Variants in ITFG1 observed in about 807,000 individuals in gnomAD.
ITFG1 encodes T-cell immunomodulatory protein.
Under a neutral mutation model 81.8 loss-of-function variants are expected in ITFG1, and 34 were observed. That is an observed-to-expected ratio of 0.42 (90% CI 0.32 to 0.55). ITFG1 has a LOEUF of 0.55. ITFG1 is among the 20% of genes least tolerant of loss of function. The probability of loss-of-function intolerance (pLI) is 0.17; values close to 1 mark genes in which losing one functional copy is unlikely to be tolerated. For missense variants in ITFG1, 672 were observed against 755.4 expected, an observed-to-expected ratio of 0.89 and a Z score of 1.29; for synonymous variants, 285 against 270.6, an observed-to-expected ratio of 1.05 and a Z score of -0.52.
intron 8 of ITFG1, among the ~76,000 whole-genome samples, chr16:47,333,150 ATCTAC>A (rs1376590952): frequency 8.5e-5 from 13 of 152,144 alleles, no homozygotes; most frequent in African/African-American, 3.1e-4. Context: ...ATTCCTGAAT[ATCTAC>A]TAAGTCCTAG....
At chr16:47,326,694 A>C (rs1967550059) in intron 8 of ITFG1, among the ~76,000 whole-genome samples, 1 of 152,220 alleles carries the variant, frequency 6.6e-6, no homozygotes. Context: ...ACAAACAGAG[A>C]GTCAAATCAT....
chr16:47,225,969 C>T (rs1298293548), intron 13 of ITFG1, among the ~76,000 whole-genome samples: 3 of 151,728 alleles, frequency 2.0e-5, no homozygotes, highest in Admixed American at 1.3e-4. Context: ...TTTTCTCTTA[C>T]CTGATATAAA....
At chr16:47,428,669 C>A in intron 6 of ITFG1, 135 bp downstream of exon 6, 1 of 654,284 alleles carries the variant, frequency 1.5e-6, no homozygotes, top group South Asian at 1.8e-5. Context: ...GTTTCCAAAT[C>A]ACTGACTTTC....
At chr16:47,434,139 A>G (rs1969132837) in intron 5 of ITFG1, among the ~76,000 whole-genome samples, 1 of 151,680 alleles carries the variant, frequency 6.6e-6, no homozygotes, top group Non-Finnish European at 1.5e-5. Flanking sequence ...CACTCAGGAC[A>G]CAGGCATAGG....
chr16:47,240,129 GAAA>G (rs569857397), intron 12 of ITFG1, among the ~76,000 whole-genome samples: 1 of 107,248 alleles, frequency 9.3e-6, no homozygotes. Flanking sequence ...CTGTCTACCA[GAAA>G]AAAAAAAAAA....
At chr16:47,259,532 C>T (rs377071207) in intron 11 of ITFG1, among the ~76,000 whole-genome samples, 3 of 151,884 alleles carry the variant, frequency 2.0e-5, no homozygotes, top group Non-Finnish European at 4.4e-5. Flanking sequence ...GCAGGAGAAA[C>T]GGGAAAACAA....
chr16:47,371,937 A>G (rs1352176698), intron 7 of ITFG1, among the ~76,000 whole-genome samples: 1 of 150,114 alleles, frequency 6.7e-6, no homozygotes, highest in Non-Finnish European at 1.5e-5. Context: ...TTCCTGAGAC[A>G]GAGTCTCGCT....
chr16:47,158,758 A>G, intron 17 of ITFG1, 115 bp downstream of exon 17: 1 of 549,632 alleles, frequency 1.8e-6, no homozygotes. Context: ...TTGAAAAATG[A>G]TGAAATTCTA....
chr16:47,402,075 T>C (rs1596959436), intron 6 of ITFG1, among the ~76,000 whole-genome samples: 2 of 152,230 alleles, frequency 1.3e-5, no homozygotes, highest in African/African-American at 2.4e-5. Flanking sequence ...GTTTTGTTCA[T>C]ATAGGCACAT....
intron 5 of ITFG1, among the ~76,000 whole-genome samples, chr16:47,433,770 A>G (rs1969122591): frequency 1.6e-5 from 2 of 124,476 alleles, no homozygotes; most frequent in Middle Eastern, 8.0e-3. Context: ...ATAAAAACTG[A>G]ATATATATAT....
intron 14 of ITFG1, among the ~76,000 whole-genome samples, chr16:47,182,162 A>T (rs1196426380): frequency 6.6e-6 from 1 of 151,878 alleles, no homozygotes; most frequent in African/African-American, 2.4e-5. Flanking sequence ...TGCGAGAAAC[A>T]TCCAAGAATG....
At chr16:47,340,356 C>A (rs541429971) in intron 8 of ITFG1, among the ~76,000 whole-genome samples, 161 of 152,080 alleles carry the variant, frequency 1.1e-3, no homozygotes, top group African/African-American at 3.2e-3. Flanking sequence ...GTATTGAGCA[C>A]AAATTATATA....
At chr16:47,174,972 C>T (rs1266214531) in intron 14 of ITFG1, among the ~76,000 whole-genome samples, 1 of 152,154 alleles carries the variant, frequency 6.6e-6, no homozygotes, top group Non-Finnish European at 1.5e-5. Context: ...TTTTGTGTAA[C>T]TCGAAGAGAA....
rs189606476 is a variant in ITFG1 at position 47,298,633 on chromosome 16, T to A, written c.1070+12607A>T. Among the ~76,000 whole-genome samples, 213 of 152,304 alleles carry A rather than the reference T, an allele frequency of 1.4e-3. 1 individual carries two copies. The highest frequency in any genetic ancestry group is 9.9e-4 in the Non-Finnish European group (67 of 68,018). ...AATGGCAGTTGTAGTAGCTGTGTAC[T>A]GGGTGGATGAAGAAGCCACTTCAGA... On this transcript the variant is annotated intron_variant, in intron 10 of 17. Coordinates refer to ENST00000320640, the MANE Select transcript of ITFG1 (RefSeq NM_030790.5).
chr16:47,458,818 G>A (rs1056436146), intron 2 of ITFG1, among the ~76,000 whole-genome samples: 29 of 151,926 alleles, frequency 1.9e-4, no homozygotes, highest in Admixed American at 1.4e-3. Flanking sequence ...GGCACAGAAC[G>A]AGACACATTC....
At chr16:47,274,324 T>C (rs531584548) in intron 10 of ITFG1, among the ~76,000 whole-genome samples, 2 of 152,184 alleles carry the variant, frequency 1.3e-5, no homozygotes, top group Admixed American at 6.5e-5. Flanking sequence ...AGTTTGACCA[T>C]GCTGAGTTAA....
chr16:47,327,117 CA>C (rs1567461534), intron 8 of ITFG1, among the ~76,000 whole-genome samples: 1 of 152,036 alleles, frequency 6.6e-6, no homozygotes, highest in Non-Finnish European at 1.5e-5. Context: ...GCACTGGTAC[CA>C]AAACAGAGAT....
chr16:47,244,546 T>A (rs1965974476), intron 12 of ITFG1, among the ~76,000 whole-genome samples: 2 of 151,762 alleles, frequency 1.3e-5, no homozygotes. Flanking sequence ...AGTTTGGTTT[T>A]GTCCTGTCTC....
chr16:47,335,390 C>G (rs1024371880), intron 8 of ITFG1, among the ~76,000 whole-genome samples: 1 of 151,734 alleles, frequency 6.6e-6, no homozygotes, highest in African/African-American at 2.4e-5. Flanking sequence ...AAAAAACAAA[C>G]CCAAAAGTCC....
Sources: allele counts gnomAD v4.1 joint callset (sites outside exome capture counted in the v4.1 genomes callset), GRCh38; gene constraint gnomAD v4.1.1; transcripts MANE v1.5; gene names NCBI Gene and HGNC (gene_info 2026-07-23, HGNC 2026-07-21).